Variants in ADGRG6 observed in about 807,000 individuals in gnomAD.
The protein encoded by ADGRG6 is G-protein coupled receptor 126.
ADGRG6 carries 84 observed loss-of-function variants against 142.4 expected under a neutral mutation model. That is an observed-to-expected ratio of 0.59 (90% CI 0.49 to 0.71). The LOEUF (loss-of-function observed/expected upper bound fraction) is 0.71, where lower values mean the gene tolerates loss of function less well. Among genes scored for constraint, ADGRG6 ranks in the 30% least tolerant of loss-of-function variants. ADGRG6 has a pLI of 0.00. For synonymous variants in ADGRG6, 521 were observed against 520.5 expected, an observed-to-expected ratio of 1.00 and a Z score of -0.01; for missense variants, 1,367 against 1,466.6, an observed-to-expected ratio of 0.93 and a Z score of 1.11.
intron 24 of ADGRG6, among the ~76,000 whole-genome samples, chr6:142,439,122 C>G (rs185859838): frequency 1.3e-5 from 2 of 152,194 alleles, no homozygotes; most frequent in East Asian, 1.9e-4. Flanking sequence ...TGTACCACAG[C>G]CTGGGCAACA....
intron 2 of ADGRG6, among the ~76,000 whole-genome samples, chr6:142,350,735 AT>A (rs367720805): frequency 1.2e-3 from 180 of 152,308 alleles, no homozygotes; most frequent in South Asian, 6.4e-3. Flanking sequence ...GAGCAAGCAA[AT>A]TGATCAGTTC....
chr6:142,411,349 G>C lies in ADGRG6; in HGVS notation c.2479G>C (p.Asp827His). 6.2e-7 allele frequency: 1 copy of C among 1,609,974 alleles called. No homozygotes were observed. Among genetic ancestry groups the C allele is most frequent in the Non-Finnish European group, 8.5e-7 (1 of 1,176,412 alleles). Residue 827 changes from aspartate to histidine, a missense_variant, in exon 18 of 25, where the codon GAT becomes CAT. By Grantham distance (81) the Asp-to-His change is moderately conservative. Transcript: ENST00000367609. ...WNTSGCVAHRDSDASETVCLC... is the reference protein window; with the variant it reads ...WNTSGCVAHRHSDASETVCLC... ...CACGTCAGGATGTGTTGCACACAGA[G>C]ATTCAGATGCAAGTGAGACAGTCTG...
At chr6:142,427,570 C>T (rs921291762) in intron 22 of ADGRG6, among the ~76,000 whole-genome samples, 3 of 152,170 alleles carry the variant, frequency 2.0e-5, no homozygotes, top group Non-Finnish European at 2.9e-5. Context: ...TACCCAGTTC[C>T]CAAGTTGCTT....
At chr6:142,350,158 A>C (rs1780097935) in intron 2 of ADGRG6, among the ~76,000 whole-genome samples, 1 of 152,164 alleles carries the variant, frequency 6.6e-6, no homozygotes, top group Admixed American at 6.5e-5. Flanking sequence ...TGGTTATAAG[A>C]ATTTATATGT....
chr6:142,367,467 A>T, intron 2 of ADGRG6, 102 bp from the exon 3 acceptor site: 1 of 708,260 alleles, frequency 1.4e-6, no homozygotes, highest in Non-Finnish European at 2.3e-6. Context: ...TGGTATTTTT[A>T]AATATTTACT....
intron 24 of ADGRG6, among the ~76,000 whole-genome samples, chr6:142,439,515 C>G (rs1275461733): frequency 6.6e-6 from 1 of 152,130 alleles, no homozygotes; most frequent in Non-Finnish European, 1.5e-5. Flanking sequence ...TATACATGCC[C>G]TGTTTGCACC....
chr6:142,337,178 A>T (rs867262709), intron 2 of ADGRG6, among the ~76,000 whole-genome samples: 3 of 152,292 alleles, frequency 2.0e-5, no homozygotes, highest in Non-Finnish European at 4.4e-5. Context: ...GTATTTTATT[A>T]TACTGTTATG....
At chr6:142,380,162 A>G (rs1781699056) in intron 4 of ADGRG6, among the ~76,000 whole-genome samples, 1 of 152,184 alleles carries the variant, frequency 6.6e-6, no homozygotes, top group Non-Finnish European at 1.5e-5. Context: ...TTTCATGCAG[A>G]TGAAGCCTCC....
chr6:142,444,774 A>G lies in ADGRG6; in HGVS notation c.*1259A>G, dbSNP rs1268994550. On this transcript the variant is annotated 3_prime_UTR_variant, in exon 25 of 25. Coordinates refer to ENST00000367609, the MANE Select transcript of ADGRG6 (RefSeq NM_198569.3). ...GTAATGCTTGCTTGCTAATGAATGT[A>G]TAGGAGACCACATTGTAATTGTTCT... 6.6e-6 allele frequency: 1 copy of G among 152,186 alleles called. No individual in the cohort carries two copies. Among genetic ancestry groups the G allele is most frequent in the Non-Finnish European group, 1.5e-5 (1 of 68,036 alleles). The allele number at this position is 152,186 out of a possible 1,614,324, so 9.4% of individuals were successfully genotyped here.
intron 1 of ADGRG6, among the ~76,000 whole-genome samples, chr6:142,303,032 C>T (rs1777304538): frequency 6.6e-6 from 1 of 152,138 alleles, no homozygotes; most frequent in African/African-American, 2.4e-5. Context: ...CACAGCGACC[C>T]CATGAAAGGG....
rs370645479 is a variant in ADGRG6 at position 142,393,913 on chromosome 6, G to A, written c.1379G>A (p.Gly460Glu). Residue 460 changes from glycine to glutamate, a missense_variant, in exon 9 of 25, where the codon GGA becomes GAA. This residue lies in a region of ADGRG6 where 737 missense variants were observed against 746.5 expected (regional missense o/e 0.99). Transcript: ENST00000367609. ...GTTTTTAGTTTTCACCTGAGTGCTG[G>A]AGAGGACAAGATTAAAGTCAAGAGA... The part of the protein sequence containing the change: ...VVNISFHLSA[G>E]EDKIKVKRSL... 518 of 1,559,098 alleles carry A rather than the reference G, an allele frequency of 3.3e-4. No individual in the cohort carries two copies. Among genetic ancestry groups the A allele is most frequent in the Middle Eastern group, 1.5e-3 (9 of 5,986 alleles).
intron 14 of ADGRG6, chr6:142,404,190 C>T (rs1775680091): frequency 1.9e-6 from 1 of 517,544 alleles, no homozygotes; most frequent in Non-Finnish European, 3.4e-6. Flanking sequence ...GTCAGCTTAC[C>T]TTCTACAAGA....
chr6:142,351,462 C>T (rs1780171127), intron 2 of ADGRG6, among the ~76,000 whole-genome samples: 1 of 152,114 alleles, frequency 6.6e-6, no homozygotes, highest in African/African-American at 2.4e-5. Context: ...GAAAGGACTC[C>T]CCATTCAATA....
At chr6:142,341,563 A>G (rs1229172556) in intron 2 of ADGRG6, among the ~76,000 whole-genome samples, 5 of 123,444 alleles carry the variant, frequency 4.1e-5, no homozygotes, top group Non-Finnish European at 8.1e-5. Flanking sequence ...TATATATACT[A>G]TATAATATTA....
chr6:142,306,792 G>A (rs1386139033), intron 1 of ADGRG6, among the ~76,000 whole-genome samples: 1 of 151,966 alleles, frequency 6.6e-6, no homozygotes, highest in African/African-American at 2.4e-5. Flanking sequence ...ATATATCTTT[G>A]CTAAGTGATC....
chr6:142,390,381 C>T, intron 7 of ADGRG6, 38 bp downstream of exon 7: 1 of 1,175,394 alleles, frequency 8.5e-7, no homozygotes, highest in Non-Finnish European at 1.3e-6. Flanking sequence ...TAAAAAAATT[C>T]TTTAACTTCT....
rs1386056389 is a variant in ADGRG6, at chr6:142,367,706, A to G, written c.241A>G (p.Ile81Val). ...LRAPTGYIIQITFNDFDIEEA... is the reference protein window; with the variant it reads ...LRAPTGYIIQVTFNDFDIEEA... The stretch of plus-strand genomic sequence containing the variant: ...AGCCCCCACCGGTTATATCATTCAG[A>G]TAACATTTAACGACTTTGACATTGA... The change falls in exon 3 of 25, where the codon ATA (isoleucine) becomes GTA (valine). Residue 81 changes from isoleucine to valine, a missense_variant. By Grantham distance (29) the Ile-to-Val change is conservative. This residue lies in a region of ADGRG6 where 737 missense variants were observed against 746.5 expected (regional missense o/e 0.99). Transcript: ENST00000367609. 1 of 1,613,928 alleles carries G rather than the reference A, an allele frequency of 6.2e-7. No homozygotes were observed. Among genetic ancestry groups the G allele is most frequent in the Admixed American group, 1.7e-5 (1 of 60,004 alleles).
intron 14 of ADGRG6, among the ~76,000 whole-genome samples, chr6:142,404,909 C>T (rs944352051): frequency 1.3e-5 from 2 of 152,192 alleles, no homozygotes; most frequent in East Asian, 1.9e-4. Flanking sequence ...CATGTTCAAG[C>T]GACACATAAG....
chr6:142,318,863 C>T (rs1178993661), intron 2 of ADGRG6, among the ~76,000 whole-genome samples: 2 of 151,868 alleles, frequency 1.3e-5, no homozygotes, highest in Admixed American at 6.6e-5. Context: ...GGAGACCAGA[C>T]TGGAGGATGT....
Sources: gnomAD v4.1 joint callset for allele counts (sites outside exome capture counted in the v4.1 genomes callset) on GRCh38, gnomAD v4.1.1 for gene constraint, gnomAD v4.1.1 regional missense constraint, MANE v1.5 for transcripts, NCBI Gene and HGNC (gene_info 2026-07-23, HGNC 2026-07-21) for gene names.